TRABD2B: variants seen among roughly 807,000 people sequenced by gnomAD.
TRABD2B encodes the protein metalloprotease TIKI2.
A neutral mutation model predicts 40.1 loss-of-function variants in TRABD2B; 14 were observed. That is an observed-to-expected ratio of 0.35 (90% CI 0.23 to 0.55). The LOEUF (loss-of-function observed/expected upper bound fraction) is 0.55. TRABD2B is among the 20% of genes least tolerant of loss of function. TRABD2B has a pLI of 0.90. For synonymous variants in TRABD2B, 263 were observed against 277.0 expected (o/e 0.95, Z 0.50); for missense variants, 541 against 648.6 (o/e 0.83, Z 1.80).
chr1:47,975,116 T>C (rs765495201), intron 2 of TRABD2B, among the ~76,000 whole-genome samples: 3 of 152,136 alleles, frequency 2.0e-5, no homozygotes, highest in Admixed American at 6.5e-5. Context: ...AAAATAACTT[T>C]AGGGGAAAAC....
intron 2 of TRABD2B, among the ~76,000 whole-genome samples, chr1:47,850,472 A>T (rs1366128816): frequency 1.3e-5 from 2 of 152,236 alleles, no homozygotes; most frequent in Non-Finnish European, 2.9e-5. Flanking sequence ...AAGAATCTAG[A>T]TTCATGCATT....
At chr1:47,925,967 CTT>C (rs957680792) in intron 2 of TRABD2B, among the ~76,000 whole-genome samples, 1 of 152,154 alleles carries the variant, frequency 6.6e-6, no homozygotes, top group African/African-American at 2.4e-5. Context: ...AATTATACCT[CTT>C]CTGTTCAACT....
rs549913612 is a variant in TRABD2B at position 47,799,869 on chromosome 1, G to A, written c.813+1604C>T. Among the ~76,000 whole-genome samples, 4 of 152,250 alleles carry A rather than the reference G, an allele frequency of 2.6e-5. No individual in the cohort carries two copies. In the East Asian group the frequency reaches 7.7e-4, roughly 29 times the overall value. Reference sequence around the variant, plus strand: ...ATCTAAATCAGCCGTTCCTTCCACAGGCTCCAAATGCTTCCTCCACTCCAT... The same window carrying A: ...ATCTAAATCAGCCGTTCCTTCCACAAGCTCCAAATGCTTCCTCCACTCCAT... On this transcript the variant is annotated intron_variant, in intron 3 of 6. Transcript: ENST00000606738.
intron 6 of TRABD2B, among the ~76,000 whole-genome samples, chr1:47,767,541 T>A (rs1426727643): frequency 1.3e-5 from 2 of 152,194 alleles, no homozygotes; most frequent in East Asian, 3.8e-4. Context: ...ATGACTGCTG[T>A]CCCCATTGTA....
rs897965522 is a variant in TRABD2B at position 47,996,574 on chromosome 1, G to A, written c.102+114C>T. The A allele has an allele frequency of 1.8e-6, 2 of 1,128,198 alleles. No individual in the cohort carries two copies. Among genetic ancestry groups the A allele is most frequent in the Middle Eastern group, 2.3e-4 (1 of 4,400 alleles). The allele number at this position is 1,128,198 out of a possible 1,614,324, so 69.9% of individuals were successfully genotyped here. A position where few individuals can be genotyped will look rare whatever the true frequency, so the allele number is the denominator to read the frequency against. On this transcript the variant is annotated intron_variant, in intron 1 of 6. Transcript: ENST00000606738. This position sits in a 1 kb window ranked among gnomAD's most constrained non-coding sequence, Gnocchi z 4.6. ...GGGCGCCCGAGGCTGCGCCCGGGGGGTGGAGGTGGAGCGGGCGGGCTAAGG... is the reference window on the plus strand; with the variant it reads ...GGGCGCCCGAGGCTGCGCCCGGGGGATGGAGGTGGAGCGGGCGGGCTAAGG...
At chr1:47,885,297 C>G (rs980292090) in intron 2 of TRABD2B, among the ~76,000 whole-genome samples, 1 of 152,204 alleles carries the variant, frequency 6.6e-6, no homozygotes, top group Non-Finnish European at 1.5e-5. Context: ...TCCAGGAAGC[C>G]CTCGCTGACT....
chr1:47,819,035 A>G (rs1645072471), intron 2 of TRABD2B: 1 of 152,236 alleles, frequency 6.6e-6, no homozygotes, highest in Admixed American at 6.5e-5. Flanking sequence ...TAGAGACATT[A>G]TTTTTAAAAA....
At chr1:47,771,352 G>T (rs2124005220) in intron 6 of TRABD2B, among the ~76,000 whole-genome samples, 1 of 152,338 alleles carries the variant, frequency 6.6e-6, no homozygotes, top group South Asian at 2.1e-4. Flanking sequence ...AACTCACCAA[G>T]GCTCTGTATC....
In TRABD2B at chr1:47,831,853, C is replaced by T. The variant is rs74071383; in HGVS notation, c.667-30234G>A. Reference sequence around the variant, plus strand: ...CAGGCTTCTTCTTCCAGTATGTCGTCGCTCATCCTTTACTTGAACTTTGGA... The same window carrying T: ...CAGGCTTCTTCTTCCAGTATGTCGTTGCTCATCCTTTACTTGAACTTTGGA... On this transcript the variant is annotated intron_variant, in intron 2 of 6. Transcript: ENST00000606738. 7.1e-3 allele frequency among the ~76,000 whole-genome samples: 1,077 copies of T among 152,246 alleles called. 7 individuals are homozygous for T. The highest frequency in any genetic ancestry group is 0.023 in the African/African-American group (963 of 41,532).
At chr1:47,863,644 A>G (rs922589007) in intron 2 of TRABD2B, among the ~76,000 whole-genome samples, 3 of 152,206 alleles carry the variant, frequency 2.0e-5, no homozygotes, top group African/African-American at 7.2e-5. Context: ...ACTCTCATAC[A>G]TTGCTGATGG....
At chr1:47,844,814 A>G (rs770211976) in intron 2 of TRABD2B, among the ~76,000 whole-genome samples, 2 of 152,198 alleles carry the variant, frequency 1.3e-5, no homozygotes, top group Admixed American at 6.5e-5. Context: ...AAATTCTTCA[A>G]CTGGATATTA....
chr1:47,788,440 G>A (rs1236861314), intron 4 of TRABD2B, among the ~76,000 whole-genome samples: 1 of 152,178 alleles, frequency 6.6e-6, no homozygotes, highest in Non-Finnish European at 1.5e-5. Context: ...ATGTGTGGGT[G>A]CCTGAGTAAT....
intron 2 of TRABD2B, among the ~76,000 whole-genome samples, chr1:47,814,935 G>A (rs999160285): frequency 5.9e-5 from 9 of 152,256 alleles, no homozygotes; most frequent in Admixed American, 5.2e-4. Flanking sequence ...CACTGCAAGA[G>A]ACGGTCAGGC....
chr1:47,791,915 C>T lies in TRABD2B; in HGVS notation c.988+2671G>A, dbSNP rs148766812. Among the ~76,000 whole-genome samples, 3 of 152,292 alleles carry T rather than the reference C, an allele frequency of 2.0e-5. No individual in the cohort carries two copies. The East Asian group carries it at 5.8e-4, about 29-fold the overall frequency. On this transcript the variant is annotated intron_variant, in intron 4 of 6. Transcript: ENST00000606738. ...GCCTAGGGTACGGTTCTGGCCTTGT[C>T]CTGGACTTTCTGGGGGCTTTGCTCA...
chr1:47,807,641 T>G (rs1644910158), intron 2 of TRABD2B, among the ~76,000 whole-genome samples: 1 of 134,736 alleles, frequency 7.4e-6, no homozygotes, highest in Non-Finnish European at 1.5e-5. Flanking sequence ...TGTGTGTGTC[T>G]GTGTGTGTGT....
Position 47,997,317 on chromosome 1 carries a change from G to C in TRABD2B, c.-528C>G, listed in dbSNP as rs1253351726. 1.3e-5 allele frequency: 9 copies of C among 700,120 alleles called. No homozygotes were observed. The highest frequency in any genetic ancestry group is 2.0e-5 in the African/African-American group (1 of 50,474). The allele number at this position is 700,120 out of a possible 1,614,324, so 43.4% of individuals were successfully genotyped here. Reference sequence around the variant, plus strand: ...GCCCCCGAGCCCGGCTCAGAGGGGCGGCGGGCGGCCGCGCGGCCGCTGCCC... The same window carrying C: ...GCCCCCGAGCCCGGCTCAGAGGGGCCGCGGGCGGCCGCGCGGCCGCTGCCC... On this transcript the variant is annotated 5_prime_UTR_variant, in exon 1 of 7. Transcript: ENST00000606738.
rs1224771004 is a variant in TRABD2B at position 47,764,806 on chromosome 1, G to C, written c.*1096C>G. On this transcript the variant is annotated 3_prime_UTR_variant, in exon 7 of 7. Coordinates refer to ENST00000606738, the MANE Select transcript of TRABD2B (RefSeq NM_001194986.2). Reference sequence around the variant, plus strand: ...CACACTGATCTGGGGCCACATCCTGGCTGGGGGATCTTCAGCAAGTCCCTT... The same window carrying C: ...CACACTGATCTGGGGCCACATCCTGCCTGGGGGATCTTCAGCAAGTCCCTT... 6.6e-6 allele frequency: 1 copy of C among 152,302 alleles called. No homozygotes were observed. Among genetic ancestry groups the C allele is most frequent in the South Asian group, 2.1e-4 (1 of 4,834 alleles). The allele number at this position is 152,302 out of a possible 1,614,324, so 9.4% of individuals were successfully genotyped here.
At chr1:47,925,400 C>T (rs977461192) in intron 2 of TRABD2B, among the ~76,000 whole-genome samples, 2 of 151,670 alleles carry the variant, frequency 1.3e-5, no homozygotes, top group African/African-American at 2.4e-5. Flanking sequence ...GAAAATAATT[C>T]CGATTAAGAT....
At chr1:47,870,456 C>G (rs1385500221) in intron 2 of TRABD2B, among the ~76,000 whole-genome samples, 1 of 152,164 alleles carries the variant, frequency 6.6e-6, no homozygotes, top group African/African-American at 2.4e-5. Flanking sequence ...ACACCCCTTC[C>G]CCCTAGCCTC....
Sources: allele counts gnomAD v4.1 joint callset (sites outside exome capture counted in the v4.1 genomes callset), GRCh38; gene constraint gnomAD v4.1.1; non-coding constraint Gnocchi (gnomAD v3.1); transcripts MANE v1.5; gene names NCBI Gene and HGNC (gene_info 2026-07-23, HGNC 2026-07-21).